LURAP1: variants seen among roughly 807,000 people sequenced by gnomAD.
The protein encoded by LURAP1 is leucine rich adaptor protein 1, also known as NF-kappa-B activator C1orf190.
In LURAP1, 14 loss-of-function variants were observed where a neutral mutation model predicts 19.0. The observed-to-expected ratio is 0.74, with a 90% CI of 0.49 to 1.15. LURAP1 has a LOEUF of 1.15. LURAP1 is among the 50% of genes most tolerant of loss of function. The pLI is 0.00. For synonymous variants in LURAP1, 129 were observed against 131.8 expected, an observed-to-expected ratio of 0.98 and a Z score of 0.14; for missense variants, 273 against 309.1, an observed-to-expected ratio of 0.88 and a Z score of 0.87.
At chr1:46,216,127 G>A (rs1355418406) in intron 1 of LURAP1, among the ~76,000 whole-genome samples, 2 of 135,884 alleles carry the variant, frequency 1.5e-5, no homozygotes, top group African/African-American at 5.4e-5. Flanking sequence ...GCTCACTGCA[G>A]GCTCCGCCCC....
chr1:46,203,849 G>A (rs191091702), intron 1 of LURAP1, among the ~76,000 whole-genome samples: 5 of 152,124 alleles, frequency 3.3e-5, no homozygotes, highest in African/African-American at 1.2e-4. Flanking sequence ...TGAGGACTTG[G>A]GTTGGGAGCA....
intron 1 of LURAP1, among the ~76,000 whole-genome samples, chr1:46,217,117 A>G (rs987231705): frequency 6.6e-6 from 1 of 152,236 alleles, no homozygotes; most frequent in Non-Finnish European, 1.5e-5. Flanking sequence ...AAGATATGGA[A>G]TCTAAGAAAC....
chr1:46,207,026 G>A (rs1658738232), intron 1 of LURAP1, among the ~76,000 whole-genome samples: 2 of 152,172 alleles, frequency 1.3e-5, no homozygotes, highest in East Asian at 3.9e-4. Context: ...AGGAGGCACA[G>A]GCTGTTTCCT....
chr1:46,205,661 AC>A (rs1229001080), intron 1 of LURAP1, among the ~76,000 whole-genome samples: 2 of 152,142 alleles, frequency 1.3e-5, no homozygotes, highest in African/African-American at 4.8e-5. Context: ...TGTATTCTTG[AC>A]CCAGCTTGCC....
intron 1 of LURAP1, among the ~76,000 whole-genome samples, chr1:46,216,796 C>G (rs1659085311): frequency 6.6e-6 from 1 of 152,206 alleles, no homozygotes; most frequent in African/African-American, 2.4e-5. Flanking sequence ...CCCCACCTCT[C>G]TCCCTCCTCC....
intron 1 of LURAP1, among the ~76,000 whole-genome samples, chr1:46,204,611 A>G (rs1037662818): frequency 8.5e-5 from 13 of 152,172 alleles, no homozygotes; most frequent in Non-Finnish European, 1.6e-4. Flanking sequence ...GAGACCAGCC[A>G]GGGCTCCGAC....
intron 1 of LURAP1, among the ~76,000 whole-genome samples, chr1:46,205,803 C>G (rs1317858866): frequency 6.6e-6 from 1 of 152,220 alleles, no homozygotes. Flanking sequence ...TCTTCTTGTG[C>G]TCTGCCCTGC....
At chr1:46,213,258 T>C (rs1018919236) in intron 1 of LURAP1, among the ~76,000 whole-genome samples, 6 of 151,076 alleles carry the variant, frequency 4.0e-5, no homozygotes, top group African/African-American at 1.5e-4. Context: ...ACACAGCATA[T>C]ACACAAATAT....
At chr1:46,211,377 A>C (rs1658888957) in intron 1 of LURAP1, among the ~76,000 whole-genome samples, 1 of 151,632 alleles carries the variant, frequency 6.6e-6, no homozygotes, top group African/African-American at 2.4e-5. Context: ...GTGCCCCAGC[A>C]TTATAACAAA....
At position 46,220,275 on chromosome 1, in the gene LURAP1, T is replaced by C; in HGVS notation, c.*55T>C. 1 of 1,511,400 alleles carries C rather than the reference T, an allele frequency of 6.6e-7. No individual in the cohort carries two copies. The allele number at this position is 1,511,400 out of a possible 1,614,324, so 93.6% of individuals were successfully genotyped here. ...GCTCTTTTATCCATTAGATGTGGTC[T>C]CCCCCAAAATTGATTCTCCCTCAGT... On this transcript the variant is annotated 3_prime_UTR_variant, in exon 2 of 2. Transcript: ENST00000371980.
intron 1 of LURAP1, among the ~76,000 whole-genome samples, chr1:46,210,460 G>A (rs1316917733): frequency 6.6e-6 from 1 of 152,102 alleles, no homozygotes; most frequent in Non-Finnish European, 1.5e-5. Flanking sequence ...CCCACAGGTT[G>A]AGGGCTCAGT....
chr1:46,205,334 A>G (rs190900364), intron 1 of LURAP1, among the ~76,000 whole-genome samples: 1 of 152,180 alleles, frequency 6.6e-6, no homozygotes, highest in African/African-American at 2.4e-5. Flanking sequence ...AAGAAAACAG[A>G]GGCACAGGGA....
intron 1 of LURAP1, among the ~76,000 whole-genome samples, chr1:46,217,676 G>A (rs761591724): frequency 6.6e-6 from 1 of 152,080 alleles, no homozygotes; most frequent in Non-Finnish European, 1.5e-5. Flanking sequence ...GGCTAACCTG[G>A]TGATGCCCTG....
At chr1:46,211,322 CAGG>C (rs894562577) in intron 1 of LURAP1, among the ~76,000 whole-genome samples, 14 of 152,018 alleles carry the variant, frequency 9.2e-5, no homozygotes, top group African/African-American at 3.4e-4. Flanking sequence ...GAGAGGAGAG[CAGG>C]AGAAGGTCAG....
intron 1 of LURAP1, among the ~76,000 whole-genome samples, chr1:46,208,623 A>T (rs1297021253): frequency 6.6e-6 from 1 of 152,106 alleles, no homozygotes; most frequent in African/African-American, 2.4e-5. Context: ...CGGGCGGATC[A>T]CCTGAGGTCA....
In LURAP1 at chr1:46,220,533, G is replaced by A. The variant is rs763624482; in HGVS notation, c.*313G>A. 2.1e-5 allele frequency: 5 copies of A among 236,532 alleles called. No homozygotes were observed. The highest frequency in any genetic ancestry group is 1.1e-4 in the South Asian group (1 of 8,786). The allele number at this position is 236,532 out of a possible 1,614,324, so 14.7% of individuals were successfully genotyped here. A position where few individuals can be genotyped will look rare whatever the true frequency, so the allele number is the denominator to read the frequency against. On this transcript the variant is annotated 3_prime_UTR_variant, in exon 2 of 2. Coordinates refer to ENST00000371980, the MANE Select transcript of LURAP1 (RefSeq NM_001013615.3). Reference sequence around the variant, plus strand: ...CAGCCTTGACCTCCTGGGCTCAAGCGATCCTCCTATTTCAGCCTCCCCCAT... The same window carrying A: ...CAGCCTTGACCTCCTGGGCTCAAGCAATCCTCCTATTTCAGCCTCCCCCAT...
chr1:46,203,384 C>T lies in LURAP1; in HGVS notation c.-43C>T. The T allele has an allele frequency of 7.0e-7, 1 of 1,429,428 alleles. No individual in the cohort carries two copies. Among genetic ancestry groups the T allele is most frequent in the Non-Finnish European group, 9.2e-7 (1 of 1,086,548 alleles). 88.5% of individuals were successfully genotyped at this position (1,429,428 alleles called of 1,614,324 possible). On this transcript the variant is annotated 5_prime_UTR_variant, in exon 1 of 2. Transcript: ENST00000371980. Reference sequence around the variant, plus strand: ...GAAGGGAGGACCCCCGGGAGCCGGTCCCCGGCGTCCGGTCGCCCAGCCCTT... The same window carrying T: ...GAAGGGAGGACCCCCGGGAGCCGGTTCCCGGCGTCCGGTCGCCCAGCCCTT...
intron 1 of LURAP1, among the ~76,000 whole-genome samples, chr1:46,206,086 C>A (rs562115206): frequency 6.6e-6 from 1 of 152,344 alleles, no homozygotes; most frequent in South Asian, 2.1e-4. Context: ...GTGGCAACTT[C>A]TTCTTAGTTC....
Position 46,217,529 on chromosome 1 carries a change from A to T in LURAP1, c.199-2170A>T, listed in dbSNP as rs561075591. Among the ~76,000 whole-genome samples, 4 of 152,300 alleles carry T rather than the reference A, an allele frequency of 2.6e-5. No homozygotes were observed. The East Asian group carries it at 7.7e-4, about 29-fold the overall frequency. On this transcript the variant is annotated intron_variant, in intron 1 of 1. Transcript: ENST00000371980. ...TAGGAGGATGGAAGATGGGAAGGGT[A>T]TCTGTATGGCAGGGGAGTGGGGAGT...
Sources: allele counts gnomAD v4.1 joint callset (sites outside exome capture counted in the v4.1 genomes callset), GRCh38; gene constraint gnomAD v4.1.1; transcripts MANE v1.5; gene names NCBI Gene and HGNC (gene_info 2026-07-23, HGNC 2026-07-21).